Variants in CDH23 observed in about 807,000 individuals in gnomAD.
CDH23 encodes cadherin related 23, also known as cadherin-23.
CDH23 carries 189 observed loss-of-function variants against 317.1 expected under a neutral mutation model. The ratio of observed to expected loss-of-function variants is 0.60; its 90% confidence interval spans 0.53 to 0.67. The LOEUF (loss-of-function observed/expected upper bound fraction) is 0.67, where lower values mean the gene tolerates loss of function less well. Ranked by LOEUF, CDH23 falls within the 30% of genes least tolerant of loss-of-function variation. CDH23 has a pLI of 0.00. For synonymous variants in CDH23, 1,839 were observed against 1,876.8 expected (o/e 0.98, Z 0.52); for missense variants, 4,401 against 4,592.4 (o/e 0.96, Z 1.20).
intron 6 of CDH23, among the ~76,000 whole-genome samples, chr10:71,524,682 C>T (rs1854924288): frequency 6.6e-6 from 1 of 152,132 alleles, no homozygotes; most frequent in South Asian, 2.1e-4. Flanking sequence ...CTGTAATCAC[C>T]AGGGTCCTTA....
At position 71,810,667 on chromosome 10, in the gene CDH23, C is replaced by T. The variant is rs569163066; in HGVS notation, c.9077+98C>T. The T allele has an allele frequency of 2.3e-5, 25 of 1,077,510 alleles. No individual in the cohort carries two copies. The African/African-American group carries it at 2.6e-4, about 11-fold the overall frequency. 66.7% of individuals were successfully genotyped at this position (1,077,510 alleles called of 1,614,324 possible). ...GACACACCAAAGGAGACACAGACCA[C>T]ACCATCAGGCCCACTGTGTGGGGCC... On this transcript the variant is annotated intron_variant, in intron 62 of 69. Coordinates refer to ENST00000224721, the MANE Select transcript of CDH23 (RefSeq NM_022124.6).
At chr10:71,405,277 G>A (rs1294614368) in intron 1 of CDH23, among the ~76,000 whole-genome samples, 3 of 152,102 alleles carry the variant, frequency 2.0e-5, no homozygotes, top group African/African-American at 2.4e-5. Flanking sequence ...CCCCTGGCCC[G>A]GGAGGAGGCT....
chr10:71,451,936 C>T (rs1315192656), intron 3 of CDH23, among the ~76,000 whole-genome samples: 1 of 152,204 alleles, frequency 6.6e-6, no homozygotes, highest in African/African-American at 2.4e-5. Flanking sequence ...TCAGGCCAGG[C>T]GCTCCCCTCC....
chr10:71,461,432 C>T (rs888854989), intron 3 of CDH23, among the ~76,000 whole-genome samples: 5 of 152,206 alleles, frequency 3.3e-5, no homozygotes, highest in Non-Finnish European at 7.3e-5. Context: ...GCTGGGGAAG[C>T]CTTTTCTCCG....
chr10:71,536,007 G>A (rs1191359544), intron 6 of CDH23, among the ~76,000 whole-genome samples: 2 of 152,242 alleles, frequency 1.3e-5, no homozygotes, highest in African/African-American at 4.8e-5. Flanking sequence ...AGGCCTCGGG[G>A]CTGGTTGCCC....
intron 14 of CDH23, chr10:71,646,858 C>T: frequency 6.9e-7 from 1 of 1,444,102 alleles, no homozygotes; most frequent in Non-Finnish European, 9.1e-7. Context: ...GAGCTGAGGA[C>T]ACTGGTTTTC....
chr10:71,694,124 G>A (rs545775135), intron 20 of CDH23, 23 bp from the exon 21 acceptor site: 15 of 1,554,910 alleles, frequency 9.6e-6, no homozygotes, highest in Middle Eastern at 1.7e-4. Flanking sequence ...ACCCTCTCAC[G>A]CACCCACTTC....
chr10:71,777,988 G>C, intron 39 of CDH23, 87 bp downstream of exon 39: 1 of 1,497,378 alleles, frequency 6.7e-7, no homozygotes, highest in Non-Finnish European at 9.2e-7. Flanking sequence ...GGGGGATGGA[G>C]CAAAGATGCA....
At chr10:71,704,822 C>A (rs1344439842) in intron 24 of CDH23, 89 bp from the exon 25 acceptor site, 21 of 1,039,082 alleles carry the variant, frequency 2.0e-5, no homozygotes, top group Admixed American at 3.8e-5. Context: ...CCAAGTGTGG[C>A]TTGGCAGGGA....
At chr10:71,718,161 GA>G (rs1444805425) in intron 28 of CDH23, among the ~76,000 whole-genome samples, 1 of 152,192 alleles carries the variant, frequency 6.6e-6, no homozygotes, top group Non-Finnish European at 1.5e-5. Flanking sequence ...TTCTAGCACG[GA>G]AGCTCAGGAG....
At chr10:71,696,360 T>C (rs184359118) in intron 22 of CDH23, among the ~76,000 whole-genome samples, 25 of 152,250 alleles carry the variant, frequency 1.6e-4, no homozygotes, top group Middle Eastern at 3.4e-3. Flanking sequence ...GCTCTGAGCC[T>C]CCCCTGAGGG....
intron 14 of CDH23, among the ~76,000 whole-genome samples, chr10:71,668,639 C>T (rs1026866262): frequency 6.6e-6 from 1 of 152,190 alleles, no homozygotes; most frequent in Non-Finnish European, 1.5e-5. Context: ...AAATAAAGTG[C>T]AGGAAATGCT....
At chr10:71,784,456 G>T (rs751613302) in intron 42 of CDH23, 36 bp downstream of exon 42, 2 of 1,601,234 alleles carry the variant, frequency 1.2e-6, no homozygotes, top group South Asian at 2.2e-5. Flanking sequence ...GCTTCACCTC[G>T]CTGCCCCTGT....
intron 1 of CDH23, among the ~76,000 whole-genome samples, chr10:71,432,131 G>C (rs1176633476): frequency 1.3e-5 from 2 of 152,202 alleles, no homozygotes; most frequent in Non-Finnish European, 2.9e-5. Context: ...GGCCCTCCAG[G>C]GTTGTGCAGT....
chr10:71,615,581 C>CCCCT lies in CDH23; in HGVS notation c.911_914dup (p.Tyr306ProfsTer18). ...GAATGGCCTGCTGGACCGGGAGAAC[C>CCCCT]CCCTGTACAGCCATGGCTTCATCCT... is the stretch of plus-strand genomic sequence containing the variant. On this transcript the variant is annotated frameshift_variant, in exon 10 of 70. Transcript: ENST00000224721. LOFTEE classifies it high-confidence loss of function. 1 of 1,613,960 alleles carries CCCCT rather than the reference C, an allele frequency of 6.2e-7. No individual in the cohort carries two copies. The highest frequency in any genetic ancestry group is 8.5e-7 in the Non-Finnish European group (1 of 1,179,844).
chr10:71,578,068 C>T (rs1046031003), intron 9 of CDH23, 76 bp downstream of exon 9: 1 of 1,406,394 alleles, frequency 7.1e-7, no homozygotes, highest in Admixed American at 2.0e-5. Flanking sequence ...GCATCTCAGG[C>T]TCTGAGGGCT....
At chr10:71,472,572 G>A (rs1019709170) in intron 3 of CDH23, among the ~76,000 whole-genome samples, 9 of 152,238 alleles carry the variant, frequency 5.9e-5, no homozygotes, top group Non-Finnish European at 1.2e-4. Flanking sequence ...TCCAGGAAAT[G>A]CCTGGGTGAA....
chr10:71,643,234 G>A (rs1287904630), intron 11 of CDH23, among the ~76,000 whole-genome samples: 1 of 152,164 alleles, frequency 6.6e-6, no homozygotes, highest in African/African-American at 2.4e-5. Flanking sequence ...TATAGGCATG[G>A]ATTTCCTGGG....
At chr10:71,474,757 G>A (rs950984523) in intron 3 of CDH23, among the ~76,000 whole-genome samples, 7 of 152,126 alleles carry the variant, frequency 4.6e-5, no homozygotes, top group Admixed American at 1.3e-4. Context: ...TTGTCCTTGC[G>A]CTCCTCTGTG....
Sources: gnomAD v4.1 joint callset for allele counts (sites outside exome capture counted in the v4.1 genomes callset) on GRCh38, gnomAD v4.1.1 for gene constraint, MANE v1.5 for transcripts, NCBI Gene and HGNC (gene_info 2026-07-23, HGNC 2026-07-21) for gene names.